Variants in TNNI3K observed in about 807,000 individuals in gnomAD.
TNNI3K encodes serine/threonine-protein kinase TNNI3K.
Under a neutral mutation model 114.5 loss-of-function variants are expected in TNNI3K, and 140 were observed. The ratio of observed to expected loss-of-function variants is 1.22; its 90% CI spans 1.07 to 1.41. TNNI3K has a LOEUF of 1.41. Ranked by LOEUF, TNNI3K falls within the 40% of genes most tolerant of loss-of-function variation. TNNI3K has a pLI of 0.00. For synonymous variants in TNNI3K, 347 were observed against 347.5 expected (o/e 1.00, Z 0.02); for missense variants, 1,125 against 1,007.6 (o/e 1.12, Z -1.58).
chr1:74,368,075 C>A, intron 13 of TNNI3K, 111 bp downstream of exon 13: 1 of 1,050,732 alleles, frequency 9.5e-7, no homozygotes, highest in Admixed American at 2.9e-5. Flanking sequence ...ATTTTACAAG[C>A]ACAACAAATA....
intron 23 of TNNI3K, among the ~76,000 whole-genome samples, chr1:74,515,766 A>G (rs1019375582): frequency 6.6e-6 from 1 of 152,234 alleles, no homozygotes. Flanking sequence ...TCAAAAAATA[A>G]GTATGATAAA....
intron 20 of TNNI3K, among the ~76,000 whole-genome samples, chr1:74,462,224 A>G (rs147055773): frequency 3.3e-4 from 51 of 152,334 alleles, no homozygotes; most frequent in African/African-American, 1.1e-3. Flanking sequence ...ATCACATTGC[A>G]TATAATTTCA....
chr1:74,456,420 C>T (rs187027142), intron 20 of TNNI3K, among the ~76,000 whole-genome samples: 148 of 152,246 alleles, frequency 9.7e-4, no homozygotes, highest in Non-Finnish European at 1.7e-3. Context: ...CACAACCTGG[C>T]AAATAAGAGC....
chr1:74,377,722 C>T (rs1474575079), intron 17 of TNNI3K, among the ~76,000 whole-genome samples: 2 of 151,928 alleles, frequency 1.3e-5, no homozygotes, highest in African/African-American at 4.8e-5. Flanking sequence ...TTTCGGCTAT[C>T]TGTGTAGATT....
chr1:74,342,786 G>A (rs904297779), intron 7 of TNNI3K, 56 bp from the exon 8 acceptor site: 8 of 1,599,384 alleles, frequency 5.0e-6, no homozygotes, highest in East Asian at 2.2e-5. Context: ...TACATATGAA[G>A]GTTGAGAAAC....
At chr1:74,525,257 G>C (rs549464881) in intron 23 of TNNI3K, among the ~76,000 whole-genome samples, 1 of 152,206 alleles carries the variant, frequency 6.6e-6, no homozygotes, top group Non-Finnish European at 1.5e-5. Flanking sequence ...CCTCCTGTGT[G>C]TTAGGGATTC....
At chr1:74,342,620 T>A (rs1660803176) in intron 7 of TNNI3K, among the ~76,000 whole-genome samples, 1 of 152,164 alleles carries the variant, frequency 6.6e-6, no homozygotes, top group African/African-American at 2.4e-5. Context: ...TTCCATAGAA[T>A]TTATGGAAGC....
chr1:74,498,892 G>T (rs900410563), intron 23 of TNNI3K, among the ~76,000 whole-genome samples: 1 of 152,186 alleles, frequency 6.6e-6, no homozygotes, highest in East Asian at 1.9e-4. Context: ...ATAACAAAAG[G>T]TAATGTTCCT....
chr1:74,309,137 G>A (rs1570448149), intron 5 of TNNI3K, among the ~76,000 whole-genome samples: 1 of 151,760 alleles, frequency 6.6e-6, no homozygotes, highest in Non-Finnish European at 1.5e-5. Context: ...GGGAGGCCGA[G>A]GTGGGCGGAT....
chr1:74,400,450 A>G (rs978690876), intron 17 of TNNI3K, among the ~76,000 whole-genome samples: 8 of 152,240 alleles, frequency 5.3e-5, no homozygotes, highest in Non-Finnish European at 8.8e-5. Context: ...AATGAGAGCA[A>G]CTGTTATGCA....
intron 23 of TNNI3K, among the ~76,000 whole-genome samples, chr1:74,535,349 T>G (rs1646647283): frequency 6.6e-6 from 1 of 152,102 alleles, no homozygotes; most frequent in Admixed American, 6.6e-5. Context: ...CACATGCCTG[T>G]AATCCCAGCT....
At chr1:74,483,505 A>G (rs1017641458) in intron 21 of TNNI3K, 35 of 520,952 alleles carry the variant, frequency 6.7e-5, no homozygotes, top group South Asian at 1.2e-4. Flanking sequence ...TTCTCTTAAG[A>G]TGCCAGGTAA....
At chr1:74,250,801 T>C (rs201693542) in intron 4 of TNNI3K, 32 bp downstream of exon 4, 2 of 1,551,584 alleles carry the variant, frequency 1.3e-6, no homozygotes, top group Non-Finnish European at 8.7e-7. Context: ...AAACACTGCA[T>C]TGGAACTAAG....
At chr1:74,302,816 C>T (rs541412962) in intron 5 of TNNI3K, among the ~76,000 whole-genome samples, 2 of 152,280 alleles carry the variant, frequency 1.3e-5, no homozygotes, top group Admixed American at 1.3e-4. Flanking sequence ...CAAGGTGAAG[C>T]AACAAGTGCT....
chr1:74,439,932 C>A (rs1346975908), intron 20 of TNNI3K, among the ~76,000 whole-genome samples: 1 of 151,878 alleles, frequency 6.6e-6, no homozygotes, highest in Non-Finnish European at 1.5e-5. Context: ...ATAAGGTGGA[C>A]AATGTGATAT....
intron 5 of TNNI3K, among the ~76,000 whole-genome samples, chr1:74,278,928 A>G (rs1656839152): frequency 6.6e-6 from 1 of 152,136 alleles, no homozygotes. Flanking sequence ...AGTAAGGTTG[A>G]TTTCTATCAA....
Position 74,359,327 on chromosome 1 carries a change from T to C in TNNI3K, c.1177+5198T>C, listed in dbSNP as rs575752800. On this transcript the variant is annotated intron_variant, in intron 11 of 24. Coordinates refer to ENST00000326637, the MANE Select transcript of TNNI3K (RefSeq NM_015978.3). ...AATGGCGGCAGCTCTTATTGGTAAG[T>C]GCAGAGCAGAGATTCAATCGAATCC... Among the ~76,000 whole-genome samples the C allele has an allele frequency of 3.9e-5, 6 of 152,168 alleles. No homozygotes were observed. The South Asian group carries it at 1.2e-3, about 32-fold the overall frequency.
intron 23 of TNNI3K, among the ~76,000 whole-genome samples, chr1:74,493,695 T>C (rs945974993): frequency 1.3e-5 from 2 of 152,204 alleles, no homozygotes; most frequent in Admixed American, 6.5e-5. Flanking sequence ...GGTCTATTCC[T>C]TGGGTCTATC....
intron 23 of TNNI3K, among the ~76,000 whole-genome samples, chr1:74,528,857 G>A (rs1224932544): frequency 6.6e-6 from 1 of 152,128 alleles, no homozygotes; most frequent in Non-Finnish European, 1.5e-5. Flanking sequence ...AAGGAAACAA[G>A]GCACTTGAAG....
Sources: gnomAD v4.1 joint callset for allele counts (sites outside exome capture counted in the v4.1 genomes callset) on GRCh38, gnomAD v4.1.1 for gene constraint, MANE v1.5 for transcripts, NCBI Gene and HGNC (gene_info 2026-07-23, HGNC 2026-07-21) for gene names.